UGT1A7: variants seen among roughly 807,000 people sequenced by gnomAD.
UGT1A7 encodes UDP glucuronosyltransferase family 1 member A7, also known as UDP-glucuronosyltransferase 1A7.
UGT1A7 carries 33 observed loss-of-function variants against 45.6 expected under a neutral mutation model. The ratio of observed to expected loss-of-function variants is 0.72; its 90% CI spans 0.55 to 0.97. The LOEUF is 0.97. UGT1A7 is among the 50% of genes least tolerant of loss of function. UGT1A7 has a pLI of 0.00. For missense variants in UGT1A7, 684 were observed against 666.2 expected (o/e 1.03, Z -0.29); for synonymous variants, 274 against 250.6 (o/e 1.09, Z -0.88).
chr2:233,733,707 C>G (rs1270578849), intron 1 of UGT1A7, among the ~76,000 whole-genome samples: 1 of 152,160 alleles, frequency 6.6e-6, no homozygotes, highest in Non-Finnish European at 1.5e-5. Context: ...ATTTGGTTTG[C>G]AGAATTTTAC....
intron 1 of UGT1A7, among the ~76,000 whole-genome samples, chr2:233,698,174 G>C (rs370008696): frequency 6.6e-6 from 1 of 152,128 alleles, no homozygotes. Flanking sequence ...AGAACATTCT[G>C]TATTATGATA....
intron 1 of UGT1A7, among the ~76,000 whole-genome samples, chr2:233,732,197 G>T (rs1458776605): frequency 6.6e-6 from 1 of 152,132 alleles, no homozygotes; most frequent in Non-Finnish European, 1.5e-5. Flanking sequence ...TTAGCCCTTT[G>T]TCAGATGGGT....
At chr2:233,724,125 C>T (rs2077171619) in intron 1 of UGT1A7, among the ~76,000 whole-genome samples, 1 of 108,600 alleles carries the variant, frequency 9.2e-6, no homozygotes, top group African/African-American at 4.7e-5. Flanking sequence ...AGGCGCCCCT[C>T]ACCTCCCGGA....
intron 1 of UGT1A7, among the ~76,000 whole-genome samples, chr2:233,687,041 C>T (rs377057958): frequency 2.0e-4 from 30 of 152,200 alleles, no homozygotes; most frequent in Admixed American, 5.2e-4. Context: ...AGTGTTTGAG[C>T]ACGCGGACCC....
At chr2:233,746,950 G>T (rs1693515132) in intron 1 of UGT1A7, among the ~76,000 whole-genome samples, 1 of 151,804 alleles carries the variant, frequency 6.6e-6, no homozygotes. Context: ...AGAAACAAGA[G>T]CTTGAACTTG....
At chr2:233,700,844 G>A (rs1050489871) in intron 1 of UGT1A7, among the ~76,000 whole-genome samples, 3 of 151,850 alleles carry the variant, frequency 2.0e-5, no homozygotes, top group African/African-American at 4.8e-5. Flanking sequence ...TTAGCATTAG[G>A]TATATCTCCT....
intron 1 of UGT1A7, among the ~76,000 whole-genome samples, chr2:233,753,922 T>C (rs1212078671): frequency 6.6e-6 from 1 of 152,180 alleles, no homozygotes; most frequent in African/African-American, 2.4e-5. Flanking sequence ...TTCAGCTCAG[T>C]GATATGGGAT....
rs966226229 is a variant in UGT1A7, at chr2:233,692,946, C to T, written c.855+10154C>T. 3.1e-6 allele frequency: 5 copies of T among 1,599,154 alleles called. No homozygotes were observed. In the African/African-American group the frequency reaches 5.4e-5, roughly 17 times the overall value. On this transcript the variant is annotated intron_variant, in intron 1 of 4. Transcript: ENST00000373426. ...TTAGTTTAGGGAAAATACCTAGGAG[C>T]CCTGTGATTTGGAGAGTGAAAACTC...
At chr2:233,692,921 T>C in intron 1 of UGT1A7, 1 of 1,571,738 alleles carries the variant, frequency 6.4e-7, no homozygotes, top group Non-Finnish European at 8.6e-7. Flanking sequence ...AAAGCAGTGG[T>C]TAGTTTAGGG....
chr2:233,697,476 G>A (rs28900068), intron 1 of UGT1A7, among the ~76,000 whole-genome samples: 1,638 of 149,000 alleles, frequency 0.011, 39 homozygotes, highest in African/African-American at 0.038. Context: ...TCTTAGTCTA[G>A]CTCAAGGTTT....
intron 1 of UGT1A7, 61 bp from the exon 2 acceptor site, chr2:233,766,972 CT>C: frequency 6.2e-7 from 1 of 1,611,258 alleles, no homozygotes; most frequent in Non-Finnish European, 8.5e-7. Context: ...TCATAACTTA[CT>C]GTATGTAGTC....
chr2:233,719,883 T>G (rs871514), intron 1 of UGT1A7, among the ~76,000 whole-genome samples: 1 of 151,918 alleles, frequency 6.6e-6, no homozygotes, highest in Non-Finnish European at 1.5e-5. Context: ...GAGGCACGGA[T>G]GAGGGTCTGT....
intron 1 of UGT1A7, 54 bp downstream of exon 1, chr2:233,682,846 A>T: frequency 5.8e-6 from 9 of 1,544,208 alleles, no homozygotes; most frequent in Non-Finnish European, 7.8e-6. Flanking sequence ...GGAAATTAAA[A>T]GATTTCTTAC....
chr2:233,718,673 G>T lies in UGT1A7; in HGVS notation c.855+35881G>T. 3 of 1,556,294 alleles carry T rather than the reference G, an allele frequency of 1.9e-6. No individual in the cohort carries two copies. The Admixed American group carries it at 5.7e-5, about 30-fold the overall frequency. ...ACGAAAGGCAGTTATAGATTAATGG[G>T]TAATAAGTAACTGGAGGAGGGCACT... On this transcript the variant is annotated intron_variant, in intron 1 of 4. Transcript: ENST00000373426.
intron 1 of UGT1A7, among the ~76,000 whole-genome samples, chr2:233,745,958 CA>C (rs1693266177): frequency 6.6e-6 from 1 of 151,586 alleles, no homozygotes; most frequent in African/African-American, 2.4e-5. Context: ...AACTGGGGGA[CA>C]GGGGCCCTGA....
Position 233,772,431 on chromosome 2 carries a change from A to G in UGT1A7, c.1465A>G (p.Ile489Val), listed in dbSNP as rs2126066962. The G allele has an allele frequency of 4.3e-6, 7 of 1,614,128 alleles. No individual in the cohort carries two copies. The East Asian group carries it at 1.6e-4, about 36-fold the overall frequency. The change falls in exon 5 of 5, where the codon ATT (isoleucine) becomes GTT (valine). Residue 489 changes from isoleucine (I) to valine (V), a missense_variant. By Grantham distance (29) the Ile-to-Val change is conservative (BLOSUM62 3). Coordinates refer to ENST00000373426, the MANE Select transcript of UGT1A7 (RefSeq NM_019077.3). ...TWYQYHSLDV[I>V]GFLLAVVLTV... ...GTACCAGTACCATTCCTTGGACGTG[A>G]TTGGTTTCCTCTTGGCCGTCGTGCT...
At chr2:233,730,394 T>C (rs1343780073) in intron 1 of UGT1A7, among the ~76,000 whole-genome samples, 2 of 152,242 alleles carry the variant, frequency 1.3e-5, no homozygotes, top group Non-Finnish European at 2.9e-5. Context: ...GATGCAACAG[T>C]AAATTACAAT....
rs1207870727 is a variant in UGT1A7, at chr2:233,693,825, TTGGAGGTA to T, written c.855+11035_855+11042del. On this transcript the variant is annotated intron_variant, in intron 1 of 4. Transcript: ENST00000373426. The stretch of plus-strand genomic sequence containing the variant: ...CCGGTCATGCCCAACATGGTCTTCA[TTGGAGGTA>T]TCAACTGTAAGAAGAGGAAAGACTT... The T allele has an allele frequency of 3.7e-6, 6 of 1,614,084 alleles. No individual in the cohort carries two copies. The African/African-American group carries it at 5.3e-5, about 14-fold the overall frequency.
chr2:233,729,609 G>A (rs745477342), intron 1 of UGT1A7: 1 of 1,613,988 alleles, frequency 6.2e-7, no homozygotes, highest in South Asian at 1.1e-5. Context: ...CGGCAGTGCT[G>A]GCTAAGTACC....
Sources: gnomAD v4.1 joint callset for allele counts (sites outside exome capture counted in the v4.1 genomes callset) on GRCh38, gnomAD v4.1.1 for gene constraint, MANE v1.5 for transcripts, NCBI Gene and HGNC (gene_info 2026-07-23, HGNC 2026-07-21) for gene names.